DLGAP4: variants seen among roughly 807,000 people sequenced by gnomAD.
DLGAP4 encodes the protein DLG associated protein 4.
In DLGAP4, 18 loss-of-function variants were observed where a neutral mutation model predicts 86.9. That is an observed-to-expected ratio of 0.21 (90% CI 0.14 to 0.31). The LOEUF is 0.31. Ranked by LOEUF, DLGAP4 falls within the 10% of genes least tolerant of loss-of-function variation. DLGAP4 has a pLI of 1.00. For missense variants in DLGAP4, 1,085 were observed against 1,362.6 expected, an observed-to-expected ratio of 0.80 and a Z score of 3.21; for synonymous variants, 548 against 574.3, an observed-to-expected ratio of 0.95 and a Z score of 0.65.
chr20:36,465,990 C>T (rs1237586302), intron 7 of DLGAP4, among the ~76,000 whole-genome samples: 3 of 152,150 alleles, frequency 2.0e-5, no homozygotes, highest in Admixed American at 1.3e-4. Flanking sequence ...AGGATGCTTA[C>T]GGCATGACCT....
rs535720474 is a variant in DLGAP4 at position 36,500,995 on chromosome 20, G to A, written c.2512+384G>A. 4.8e-4 allele frequency among the ~76,000 whole-genome samples: 73 copies of A among 151,956 alleles called. No individual in the cohort carries two copies. Among genetic ancestry groups the A allele is most frequent in the Non-Finnish European group, 9.9e-4 (67 of 67,990 alleles). On this transcript the variant is annotated intron_variant, in intron 10 of 12. Coordinates refer to ENST00000339266, the MANE Select transcript of DLGAP4 (RefSeq NM_001365621.2). This position sits in a 1 kb window ranked among gnomAD's most constrained non-coding sequence, Gnocchi z 4.6. The stretch of plus-strand genomic sequence containing the variant: ...CATGTTGTAAGGATTGAATGTGGTC[G>A]TGCATGTGAAGGGCCTGATGACCTG...
At chr20:36,497,724 G>A (rs1742987403) in intron 8 of DLGAP4, 2 of 783,962 alleles carry the variant, frequency 2.6e-6, no homozygotes, top group South Asian at 5.8e-5. Context: ...AAGTCAGCAG[G>A]CCCTCCATAG....
At chr20:36,499,765 C>A in intron 9 of DLGAP4, 89 bp downstream of exon 9, 1 of 1,220,834 alleles carries the variant, frequency 8.2e-7, no homozygotes, top group Non-Finnish European at 1.1e-6. Context: ...CCCACTTCTC[C>A]TTGCTGGATT....
intron 1 of DLGAP4, among the ~76,000 whole-genome samples, chr20:36,311,584 C>G (rs1448569458): frequency 6.6e-6 from 1 of 152,180 alleles, no homozygotes; most frequent in Non-Finnish European, 1.5e-5. Flanking sequence ...TTCATTCATT[C>G]CTTCAACAAA....
intron 1 of DLGAP4, among the ~76,000 whole-genome samples, chr20:36,362,589 A>T (rs964367759): frequency 3.9e-5 from 6 of 152,364 alleles, no homozygotes; most frequent in South Asian, 2.1e-4. Context: ...CAGTTGGTCA[A>T]GGAATATCTC....
At chr20:36,439,731 G>C (rs375444655) in intron 4 of DLGAP4, 23 bp from the exon 5 acceptor site, 4 of 1,603,098 alleles carry the variant, frequency 2.5e-6, no homozygotes, top group Non-Finnish European at 3.4e-6. Context: ...GCTGAGCCCT[G>C]TCTGCTCCCC....
chr20:36,323,639 G>A (rs1162608487), intron 1 of DLGAP4, among the ~76,000 whole-genome samples: 1 of 152,152 alleles, frequency 6.6e-6, no homozygotes, highest in African/African-American at 2.4e-5. Flanking sequence ...TTTATTCTGT[G>A]GGTTGTCTCT....
chr20:36,384,405 T>G (rs1043731300), intron 2 of DLGAP4, among the ~76,000 whole-genome samples: 1 of 152,224 alleles, frequency 6.6e-6, no homozygotes, highest in Non-Finnish European at 1.5e-5. Context: ...TTTGAGCCTC[T>G]GTTACCATCT....
At chr20:36,379,399 T>G (rs1156646825) in intron 2 of DLGAP4, among the ~76,000 whole-genome samples, 11 of 152,138 alleles carry the variant, frequency 7.2e-5, no homozygotes. Context: ...CACATGCTGT[T>G]GGAGCAGTTG....
intron 3 of DLGAP4, among the ~76,000 whole-genome samples, chr20:36,434,030 G>A (rs931652990): frequency 3.4e-5 from 5 of 148,664 alleles, no homozygotes; most frequent in Admixed American, 1.4e-4. Flanking sequence ...TGCAACCTCC[G>A]CCTCCTGGGT....
intron 1 of DLGAP4, among the ~76,000 whole-genome samples, chr20:36,345,347 G>A (rs898427640): frequency 3.3e-5 from 5 of 152,210 alleles, no homozygotes; most frequent in Admixed American, 6.5e-5. Flanking sequence ...TTCTCCTGCT[G>A]GTGGACAAAC....
intron 1 of DLGAP4, among the ~76,000 whole-genome samples, chr20:36,340,525 G>A (rs1021682482): frequency 8.5e-5 from 13 of 152,100 alleles, no homozygotes; most frequent in Admixed American, 5.9e-4. Flanking sequence ...CAGTGCCCCC[G>A]ACACCTATGT....
At chr20:36,435,521 G>C (rs1281409890) in intron 3 of DLGAP4, among the ~76,000 whole-genome samples, 1 of 152,230 alleles carries the variant, frequency 6.6e-6, no homozygotes, top group South Asian at 2.1e-4. Flanking sequence ...TGGGAAAACT[G>C]AGCCCTTTTT....
chr20:36,443,551 G>T (rs1407241305), intron 6 of DLGAP4, among the ~76,000 whole-genome samples: 2 of 152,160 alleles, frequency 1.3e-5, no homozygotes, highest in Non-Finnish European at 2.9e-5. Flanking sequence ...CACAGAAGCT[G>T]TGTGTTCCTC....
chr20:36,454,849 C>T (rs2033839279), intron 7 of DLGAP4, among the ~76,000 whole-genome samples: 2 of 152,224 alleles, frequency 1.3e-5, no homozygotes, highest in African/African-American at 2.4e-5. Flanking sequence ...CCCGCCCACC[C>T]ACGTGGACCT....
At chr20:36,345,433 G>C (rs1324143522) in intron 1 of DLGAP4, among the ~76,000 whole-genome samples, 1 of 152,178 alleles carries the variant, frequency 6.6e-6, no homozygotes, top group African/African-American at 2.4e-5. Flanking sequence ...GTTGGCTCTG[G>C]GGCCAGCTGG....
chr20:36,349,172 A>G (rs1555893258), intron 1 of DLGAP4, among the ~76,000 whole-genome samples: 1 of 142,266 alleles, frequency 7.0e-6, no homozygotes, highest in African/African-American at 2.6e-5. Flanking sequence ...TAATCCCAGC[A>G]CTTTGGGAGG....
intron 2 of DLGAP4, among the ~76,000 whole-genome samples, chr20:36,377,896 G>T (rs2031221054): frequency 6.6e-6 from 1 of 152,212 alleles, no homozygotes; most frequent in Admixed American, 6.5e-5. Context: ...TTTGGCCCAG[G>T]CTTTTGGGAA....
At chr20:36,333,635 T>C (rs2065292643) in intron 1 of DLGAP4, among the ~76,000 whole-genome samples, 1 of 152,122 alleles carries the variant, frequency 6.6e-6, no homozygotes, top group South Asian at 2.1e-4. Flanking sequence ...AATGTGTGGG[T>C]TGCTGTGTGA....
Sources: gnomAD v4.1 joint callset for allele counts (sites outside exome capture counted in the v4.1 genomes callset) on GRCh38, gnomAD v4.1.1 for gene constraint, Gnocchi (gnomAD v3.1) non-coding constraint, MANE v1.5 for transcripts, NCBI Gene and HGNC (gene_info 2026-07-23, HGNC 2026-07-21) for gene names.